The following MEGF9 variants were observed in gnomAD, a reference collection of about 807,000 sequenced individuals.
MEGF9 encodes multiple epidermal growth factor-like domains protein 9.
MEGF9 carries 6 observed loss-of-function variants against 46.8 expected under a neutral mutation model. The ratio of observed to expected loss-of-function variants is 0.13; its 90% CI spans 0.07 to 0.25. The LOEUF (loss-of-function observed/expected upper bound fraction) is 0.25. Among genes scored for constraint, MEGF9 ranks in the 10% least tolerant of loss-of-function variants. MEGF9 has a pLI of 1.00. For missense variants in MEGF9, 683 were observed against 792.4 expected, an observed-to-expected ratio of 0.86 and a Z score of 1.66; for synonymous variants, 302 against 330.7, an observed-to-expected ratio of 0.91 and a Z score of 0.94.
intron 1 of MEGF9, among the ~76,000 whole-genome samples, chr9:120,671,970 G>A (rs1242768765): frequency 6.6e-6 from 1 of 152,150 alleles, no homozygotes; most frequent in Non-Finnish European, 1.5e-5. Flanking sequence ...ACTAATCAGT[G>A]CAATCCATCC....
intron 2 of MEGF9, among the ~76,000 whole-genome samples, chr9:120,631,116 T>G (rs2043548829): frequency 6.6e-6 from 1 of 152,242 alleles, no homozygotes; most frequent in African/African-American, 2.4e-5. Context: ...TTTTCAGTCT[T>G]GCATTTAGTT....
At chr9:120,661,309 T>C (rs2043700534) in intron 1 of MEGF9, among the ~76,000 whole-genome samples, 1 of 151,984 alleles carries the variant, frequency 6.6e-6, no homozygotes, top group Non-Finnish European at 1.5e-5. Flanking sequence ...AGCTCAGGAG[T>C]TTGAGACCAG....
chr9:120,692,816 T>C (rs1280779497), intron 1 of MEGF9, among the ~76,000 whole-genome samples: 2 of 152,116 alleles, frequency 1.3e-5, no homozygotes, highest in Admixed American at 1.3e-4. Flanking sequence ...CCTGAATAAT[T>C]CCTATTTGTT....
chr9:120,608,134 G>T, intron 4 of MEGF9, 124 bp from the exon 5 acceptor site: 1 of 1,122,692 alleles, frequency 8.9e-7, no homozygotes, highest in Non-Finnish European at 1.3e-6. Context: ...TGGAAGGATC[G>T]CTTGAGCCCA....
intron 2 of MEGF9, among the ~76,000 whole-genome samples, chr9:120,647,698 ATT>A (rs1364783259): frequency 2.6e-5 from 4 of 152,208 alleles, no homozygotes; most frequent in African/African-American, 9.7e-5. Flanking sequence ...GCTAGATTAG[ATT>A]TTGAGTTTGA....
intron 1 of MEGF9, among the ~76,000 whole-genome samples, chr9:120,686,969 G>GTA (rs77369058): frequency 0.057 from 8,703 of 151,360 alleles, 346 homozygotes; most frequent in Middle Eastern, 0.086. Context: ...GTGTGTATGT[G>GTA]TATATATATA....
chr9:120,636,293 T>C (rs997748548), intron 2 of MEGF9, among the ~76,000 whole-genome samples: 3 of 152,112 alleles, frequency 2.0e-5, no homozygotes, highest in African/African-American at 7.2e-5. Context: ...TCATCTGCAG[T>C]TGGGTTTTAG....
intron 1 of MEGF9, among the ~76,000 whole-genome samples, chr9:120,672,716 A>G (rs1369268792): frequency 6.6e-6 from 1 of 152,232 alleles, no homozygotes; most frequent in Non-Finnish European, 1.5e-5. Context: ...CCTAGAACTA[A>G]TAAATGACAT....
intron 2 of MEGF9, among the ~76,000 whole-genome samples, chr9:120,627,659 C>G (rs1587977589): frequency 6.6e-6 from 1 of 152,180 alleles, no homozygotes; most frequent in Admixed American, 6.5e-5. Context: ...AACAGAGTTT[C>G]GTCATGTTGG....
At chr9:120,657,288 T>C (rs975559974) in intron 2 of MEGF9, among the ~76,000 whole-genome samples, 1 of 152,276 alleles carries the variant, frequency 6.6e-6, no homozygotes, top group African/African-American at 2.4e-5. Flanking sequence ...CATTACTTTA[T>C]GGTTACCACC....
chr9:120,621,695 T>G (rs2043499965), intron 3 of MEGF9, among the ~76,000 whole-genome samples: 1 of 152,230 alleles, frequency 6.6e-6, no homozygotes, highest in Admixed American at 6.5e-5. Context: ...GGTCACATTT[T>G]TCTGTCTTTG....
chr9:120,632,509 G>A (rs2043555106), intron 2 of MEGF9, among the ~76,000 whole-genome samples: 1 of 151,724 alleles, frequency 6.6e-6, no homozygotes, highest in Admixed American at 6.6e-5. Context: ...GAGCTTTTAG[G>A]GTTTTCTATA....
intron 1 of MEGF9, among the ~76,000 whole-genome samples, chr9:120,678,163 T>G (rs567607132): frequency 6.6e-6 from 1 of 152,384 alleles, no homozygotes; most frequent in Non-Finnish European, 1.5e-5. Flanking sequence ...ATTGTGTATA[T>G]GCACCACATT....
Position 120,645,975 on chromosome 9 carries a change from G to A in MEGF9, c.803+13399C>T, listed in dbSNP as rs549179744. On this transcript the variant is annotated intron_variant, in intron 2 of 5. Transcript: ENST00000373930. ...ATTCCTGCAGCCTGCAACAAAGGAAGAATGGTAAGCACAGGGAGAGGGTGT... is the reference window on the plus strand; with the variant it reads ...ATTCCTGCAGCCTGCAACAAAGGAAAAATGGTAAGCACAGGGAGAGGGTGT... 5.9e-5 allele frequency among the ~76,000 whole-genome samples: 9 copies of A among 152,292 alleles called. No homozygotes were observed. The South Asian group carries it at 1.9e-3, about 32-fold the overall frequency.
At chr9:120,711,927 G>C (rs1365417304) in intron 1 of MEGF9, among the ~76,000 whole-genome samples, 4 of 151,450 alleles carry the variant, frequency 2.6e-5, no homozygotes, top group Admixed American at 1.3e-4. Flanking sequence ...TCTACACTAG[G>C]AACTGTTGTA....
At chr9:120,648,832 C>T (rs900464659) in intron 2 of MEGF9, among the ~76,000 whole-genome samples, 14 of 152,128 alleles carry the variant, frequency 9.2e-5, no homozygotes, top group South Asian at 6.2e-4. Context: ...TGTAAGCCTC[C>T]GAGGTGTTTT....
intron 2 of MEGF9, among the ~76,000 whole-genome samples, chr9:120,639,719 C>G (rs1377732636): frequency 6.6e-6 from 1 of 152,060 alleles, no homozygotes; most frequent in African/African-American, 2.4e-5. Flanking sequence ...CAGTGCCTGA[C>G]TCAGAGTAAA....
At chr9:120,612,289 T>A in intron 4 of MEGF9, 107 bp downstream of exon 4, 1 of 1,053,756 alleles carries the variant, frequency 9.5e-7, no homozygotes, top group Non-Finnish European at 1.3e-6. Context: ...TTTTTATAAC[T>A]CCCTTTCACC....
chr9:120,648,311 T>C (rs1052275054), intron 2 of MEGF9, among the ~76,000 whole-genome samples: 1 of 151,700 alleles, frequency 6.6e-6, no homozygotes, highest in Non-Finnish European at 1.5e-5. Context: ...ATATCTAGTA[T>C]GTGCCAATCA....
Sources: gnomAD v4.1 joint callset for allele counts (sites outside exome capture counted in the v4.1 genomes callset) on GRCh38, gnomAD v4.1.1 for gene constraint, MANE v1.5 for transcripts, NCBI Gene and HGNC (gene_info 2026-07-23, HGNC 2026-07-21) for gene names.